The following ZNF549 variants were observed in gnomAD, a reference collection of about 807,000 sequenced individuals.
ZNF549 encodes the protein zinc finger protein 549.
ZNF549 carries 11 observed loss-of-function variants against 11.1 expected under a neutral mutation model. The ratio of observed to expected loss-of-function variants is 0.99; its 90% CI spans 0.62 to 1.64. The LOEUF (loss-of-function observed/expected upper bound fraction) is 1.64. ZNF549 is among the 40% of genes most tolerant of loss of function. The probability of loss-of-function intolerance (pLI) is 0.00; values close to 1 mark genes in which losing one functional copy is unlikely to be tolerated. For missense variants in ZNF549, 748 were observed against 765.1 expected, an observed-to-expected ratio of 0.98 and a Z score of 0.26; for synonymous variants, 266 against 269.1, an observed-to-expected ratio of 0.99 and a Z score of 0.11.
At chr19:57,528,894 T>C (rs2089891448) in intron 1 of ZNF549, among the ~76,000 whole-genome samples, 1 of 152,240 alleles carries the variant, frequency 6.6e-6, no homozygotes, top group Non-Finnish European at 1.5e-5. Flanking sequence ...TTTTTTGTCA[T>C]GCTTTCCTGG....
intron 2 of ZNF549, among the ~76,000 whole-genome samples, chr19:57,534,671 TC>T (rs1217509460): frequency 3.9e-5 from 6 of 152,134 alleles, no homozygotes; most frequent in African/African-American, 1.4e-4. Context: ...TTCATAACAG[TC>T]CTGAGACTGC....
chr19:57,535,346 T>A (rs1240265967), intron 3 of ZNF549, 76 bp downstream of exon 3: 1 of 1,529,940 alleles, frequency 6.5e-7, no homozygotes, highest in South Asian at 1.3e-5. Context: ...TTTCCTGTCT[T>A]TCCCAGAGTT....
Position 57,537,305 on chromosome 19 carries a change from C to T in ZNF549, c.301C>T (p.Pro101Ser), listed in dbSNP as rs376132219. 124 of 1,614,074 alleles carry T rather than the reference C, an allele frequency of 7.7e-5. 2 individuals are homozygous for T. The Middle Eastern group carries it at 1.8e-3, about 24-fold the overall frequency. The change falls in exon 4 of 4, where the codon CCA becomes TCA. Residue 101 changes from proline to serine, a missense_variant. Pro to Ser is a moderately conservative substitution (Grantham distance 74). Transcript: ENST00000376233. ...ARTPKLGPSIPNAHSCEMCIL... is the reference protein window; with the variant it reads ...ARTPKLGPSISNAHSCEMCIL... ...GACTCCAAAGCTAGGTCCTTCCATC[C>T]CAAATGCTCATTCTTGTGAGATGTG...
chr19:57,536,704 G>C (rs994380008), intron 3 of ZNF549, among the ~76,000 whole-genome samples: 3 of 152,122 alleles, frequency 2.0e-5, no homozygotes, highest in Non-Finnish European at 4.4e-5. Context: ...TTCTCTTGCT[G>C]GTTATGGGTC....
Position 57,537,666 on chromosome 19 carries a change from G to T in ZNF549, c.662G>T (p.Arg221Leu). 3 of 1,614,150 alleles carry T rather than the reference G, an allele frequency of 1.9e-6. No individual in the cohort carries two copies. Among genetic ancestry groups the T allele is most frequent in the Non-Finnish European group, 1.7e-6 (2 of 1,180,028 alleles). The change falls in exon 4 of 4, where the codon CGT (arginine) becomes CTT (leucine). Residue 221 changes from arginine to leucine, a missense_variant. By Grantham distance (102) the Arg-to-Leu change is moderately radical. Transcript: ENST00000376233. Reference sequence around the variant, plus strand: ...AGCAGGGAGACCTTTCAACAAAGACGTTACAAATGTGAGCAAGTTTTCAAT... The same window carrying T: ...AGCAGGGAGACCTTTCAACAAAGACTTTACAAATGTGAGCAAGTTTTCAAT... ...HRSRETFQQRRYKCEQVFNEK... is the reference protein window; with the variant it reads ...HRSRETFQQRLYKCEQVFNEK...
chr19:57,540,604 A>C lies in ZNF549; in HGVS notation c.*1677A>C, dbSNP rs1184871190. ...GTGAAATCCAGTCTCTACTTAAAAT[A>C]CAAAAATTAGCCAGGCGTGGTGGCG... is the stretch of plus-strand genomic sequence containing the variant. On this transcript the variant is annotated 3_prime_UTR_variant, in exon 4 of 4. Coordinates refer to ENST00000376233, the MANE Select transcript of ZNF549 (RefSeq NM_001199295.2). 2.0e-5 allele frequency: 3 copies of C among 152,094 alleles called. No homozygotes were observed. Among genetic ancestry groups the C allele is most frequent in the African/African-American group, 7.2e-5 (3 of 41,406 alleles). The allele number at this position is 152,094 out of a possible 1,614,324, so 9.4% of individuals were successfully genotyped here. A position where few individuals can be genotyped will look rare whatever the true frequency, so the allele number is the denominator to read the frequency against.
At chr19:57,536,253 G>GT (rs2089924177) in intron 3 of ZNF549, among the ~76,000 whole-genome samples, 1 of 152,092 alleles carries the variant, frequency 6.6e-6, no homozygotes, top group Non-Finnish European at 1.5e-5. Context: ...TGAGAATATC[G>GT]TAAGTCAGAA....
In ZNF549 at chr19:57,538,948, TG is replaced by T. The variant is rs1260829279; in HGVS notation, c.*22del. 1 of 1,581,612 alleles carries T rather than the reference TG, an allele frequency of 6.3e-7. No individual in the cohort carries two copies. The highest frequency in any genetic ancestry group is 2.2e-5 in the East Asian group (1 of 44,706). On this transcript the variant is annotated 3_prime_UTR_variant, in exon 4 of 4. Coordinates refer to ENST00000376233, the MANE Select transcript of ZNF549 (RefSeq NM_001199295.2). ...CCTAGCAATTGTTGGGATGTGTAATTGTCTTATTCACTGTAGGACACCAGAG... is the reference window on the plus strand; with the variant it reads ...CCTAGCAATTGTTGGGATGTGTAATTTCTTATTCACTGTAGGACACCAGAG...
Position 57,537,788 on chromosome 19 carries a change from T to C in ZNF549, c.784T>C (p.Phe262Leu), listed in dbSNP as rs780593230. 6.8e-6 allele frequency: 11 copies of C among 1,614,040 alleles called. No individual in the cohort carries two copies. The highest frequency in any genetic ancestry group is 1.1e-5 in the South Asian group (1 of 91,086). The part of the protein sequence containing the change: ...YGKSLNSKYL[F>L]VEHQRTHNAE... ...GAAATCCTTGAACTCTAAATACTTA[T>C]TTGTTGAACACCAGAGAACCCATAA... Residue 262 changes from phenylalanine to leucine, a missense_variant, in exon 4 of 4, where the codon TTT (phenylalanine) becomes CTT (leucine). By Grantham distance (22) the Phe-to-Leu change is conservative. Coordinates refer to ENST00000376233, the MANE Select transcript of ZNF549 (RefSeq NM_001199295.2).
Position 57,538,387 on chromosome 19 carries a change from G to A in ZNF549, c.1383G>A (p.Met461Ile). 1 of 1,612,298 alleles carries A rather than the reference G, an allele frequency of 6.2e-7. No individual in the cohort carries two copies. The highest frequency in any genetic ancestry group is 8.5e-7 in the Non-Finnish European group (1 of 1,179,552). ...GKSFIRSSDY[M>I]RHQRIHTGER... ...CATTTATCCGCTCGTCTGACTACATGCGACACCAGAGAATTCACACTGGAG... is the reference window on the plus strand; with the variant it reads ...CATTTATCCGCTCGTCTGACTACATACGACACCAGAGAATTCACACTGGAG... Residue 461 changes from methionine (M) to isoleucine (I), a missense_variant, in exon 4 of 4, where the codon ATG becomes ATA. Transcript: ENST00000376233.
Position 57,538,569 on chromosome 19 carries a change from T to C in ZNF549, c.1565T>C (p.Ile522Thr), listed in dbSNP as rs990364600. 96 of 1,614,024 alleles carry C rather than the reference T, an allele frequency of 5.9e-5. No individual in the cohort carries two copies. The highest frequency in any genetic ancestry group is 8.1e-5 in the Non-Finnish European group (96 of 1,180,034). The change falls in exon 4 of 4, where the codon ATC (isoleucine) becomes ACC (threonine). Residue 522 changes from isoleucine (I) to threonine (T), a missense_variant. Physicochemically the swap from Ile to Thr is moderately conservative, Grantham distance 89. Transcript: ENST00000376233. The part of the protein sequence containing the change: ...LEVKLLQHQR[I>T]HTREQLCECN... The stretch of plus-strand genomic sequence containing the variant: ...GTTAAACTTCTTCAGCACCAAAGAA[T>C]CCATACTAGAGAACAACTTTGTGAG...
chr19:57,537,773 A>T lies in ZNF549; in HGVS notation c.769A>T (p.Asn257Tyr), dbSNP rs924895628. The T allele has an allele frequency of 6.2e-6, 10 of 1,614,094 alleles. No individual in the cohort carries two copies. In the African/African-American group the frequency reaches 1.3e-4, roughly 22 times the overall value. ...GCGTAGGGAATATGGGAAATCCTTG[A>T]ACTCTAAATACTTATTTGTTGAACA... Reference protein sequence around the residue: ...YKRREYGKSLNSKYLFVEHQR... With the variant: ...YKRREYGKSLYSKYLFVEHQR... Residue 257 changes from asparagine (N) to tyrosine (Y), a missense_variant, in exon 4 of 4, where the codon AAC becomes TAC. Coordinates refer to ENST00000376233, the MANE Select transcript of ZNF549 (RefSeq NM_001199295.2).
In ZNF549 at chr19:57,537,627, A is replaced by G; in HGVS notation, c.623A>G (p.Glu208Gly). The G allele has an allele frequency of 6.2e-7, 1 of 1,614,220 alleles. No homozygotes were observed. The highest frequency in any genetic ancestry group is 8.5e-7 in the Non-Finnish European group (1 of 1,180,036). ...LQHQTTHSRQ[E>G]YAHRSRETFQ... ...CACCAGACCACCCACAGCAGACAAG[A>G]GTATGCACATAGAAGCAGGGAGACC... The change falls in exon 4 of 4, where the codon GAG (glutamate) becomes GGG (glycine). Residue 208 changes from glutamate (E) to glycine (G), a missense_variant. By Grantham distance (98) the Glu-to-Gly change is moderately conservative. Transcript: ENST00000376233.
intron 1 of ZNF549, 64 bp from the exon 2 acceptor site, chr19:57,531,006 G>T: frequency 6.5e-7 from 1 of 1,532,302 alleles, no homozygotes; most frequent in East Asian, 2.2e-5. Context: ...GTTGGCAAGA[G>T]CAACTTACCC....
chr19:57,534,277 T>A (rs2089915266), intron 2 of ZNF549, among the ~76,000 whole-genome samples: 2 of 152,122 alleles, frequency 1.3e-5, no homozygotes, highest in South Asian at 4.1e-4. Context: ...GTTGGCACAG[T>A]CTTTAAATGG....
rs1017920315 is a variant in ZNF549, at chr19:57,537,298, T to C, written c.294T>C (p.Pro98=). 2.5e-6 allele frequency: 4 copies of C among 1,614,102 alleles called. No individual in the cohort carries two copies. Among genetic ancestry groups the C allele is most frequent in the Middle Eastern group, 1.6e-4 (1 of 6,084 alleles). The change falls in exon 4 of 4, where the codon CCT becomes CCC. Residue 98 remains proline, a synonymous_variant. Transcript: ENST00000376233. ...AGGCCAGGACTCCAAAGCTAGGTCC[T>C]TCCATCCCAAATGCTCATTCTTGTG... is the stretch of plus-strand genomic sequence containing the variant. The part of the protein sequence containing the change: ...VSQARTPKLG[P]SIPNAHSCEM...
At chr19:57,536,449 G>C (rs908134621) in intron 3 of ZNF549, among the ~76,000 whole-genome samples, 7 of 152,168 alleles carry the variant, frequency 4.6e-5, no homozygotes, top group Admixed American at 2.6e-4. Context: ...GGTTTCTACT[G>C]AATGTGTCAC....
rs771844469 is a variant in ZNF549 at position 57,538,910 on chromosome 19, A to AT, written c.1907dup (p.Thr637AsnfsTer23). On this transcript the variant is annotated frameshift_variant, in exon 4 of 4. Coordinates refer to ENST00000376233, the MANE Select transcript of ZNF549 (RefSeq NM_001199295.2). LOFTEE classifies it high-confidence loss of function. Reference sequence around the variant, plus strand: ...CCTTGTCAGGCACCAGAAGGTACATATAACAGAAGAGCCCTAGCAATTGTT... The same window carrying AT: ...CCTTGTCAGGCACCAGAAGGTACATATTAACAGAAGAGCCCTAGCAATTGTT... The AT allele has an allele frequency of 2.5e-6, 4 of 1,602,214 alleles. No homozygotes were observed. The highest frequency in any genetic ancestry group is 3.4e-6 in the Non-Finnish European group (4 of 1,178,806).
At chr19:57,534,694 G>GCC (rs1197418555) in intron 2 of ZNF549, among the ~76,000 whole-genome samples, 4 of 152,154 alleles carry the variant, frequency 2.6e-5, no homozygotes, top group Admixed American at 1.3e-4. Context: ...TCTGACTTGG[G>GCC]TCTAACAAAG....
Sources: allele counts gnomAD v4.1 joint callset (sites outside exome capture counted in the v4.1 genomes callset), GRCh38; gene constraint gnomAD v4.1.1; transcripts MANE v1.5; gene names NCBI Gene and HGNC (gene_info 2026-07-23, HGNC 2026-07-21).